TLN2: variants seen among roughly 807,000 people sequenced by gnomAD.
TLN2 encodes the protein talin-2.
TLN2 carries 118 observed loss-of-function variants against 294.7 expected under a neutral mutation model. The observed-to-expected ratio is 0.40, with a 90% confidence interval of 0.34 to 0.47. The LOEUF (loss-of-function observed/expected upper bound fraction) is 0.47, where lower values mean the gene tolerates loss of function less well. Ranked by LOEUF, TLN2 falls within the 20% of genes least tolerant of loss-of-function variation. TLN2 has a pLI of 0.84. For synonymous variants in TLN2, 1,431 were observed against 1,304.5 expected, an observed-to-expected ratio of 1.10 and a Z score of -2.09; for missense variants, 3,083 against 3,282.2, an observed-to-expected ratio of 0.94 and a Z score of 1.48.
At chr15:62,395,024 G>A (rs1375154683) in intron 1 of TLN2, among the ~76,000 whole-genome samples, 1 of 152,052 alleles carries the variant, frequency 6.6e-6, no homozygotes, top group African/African-American at 2.4e-5. Context: ...ATGAACATTT[G>A]TATTTTCTTT....
At chr15:62,485,173 G>T (rs2038322103) in intron 1 of TLN2, among the ~76,000 whole-genome samples, 1 of 152,094 alleles carries the variant, frequency 6.6e-6, no homozygotes, top group African/African-American at 2.4e-5. Context: ...GCCTACCTTG[G>T]GCACCTAGAT....
intron 12 of TLN2, among the ~76,000 whole-genome samples, 184 bp downstream of exon 12, chr15:62,686,980 A>G (rs1204964174): frequency 1.3e-5 from 2 of 152,228 alleles, no homozygotes; most frequent in Admixed American, 1.3e-4. Context: ...AAGAGAGGTC[A>G]GCAAGCCTGG....
chr15:62,618,322 T>G (rs1596357867), intron 2 of TLN2, 29 bp from the exon 3 acceptor site: 1 of 152,320 alleles, frequency 6.6e-6, no homozygotes, highest in East Asian at 1.9e-4. Flanking sequence ...CTAATTCTTC[T>G]TTTCCCACTC....
At chr15:62,445,941 G>A (rs138799998) in intron 1 of TLN2, among the ~76,000 whole-genome samples, 501 of 152,092 alleles carry the variant, frequency 3.3e-3, no homozygotes, top group African/African-American at 0.011. Context: ...ATGAGCCATC[G>A]CCTACTGGCC....
chr15:62,436,485 A>G (rs1012213487), intron 1 of TLN2, among the ~76,000 whole-genome samples: 24 of 152,222 alleles, frequency 1.6e-4, no homozygotes, highest in Admixed American at 5.2e-4. Context: ...TTTCGTGAGC[A>G]GGTGGCAGGA....
intron 11 of TLN2, among the ~76,000 whole-genome samples, chr15:62,684,741 C>G (rs1283758649): frequency 6.6e-6 from 1 of 151,914 alleles, no homozygotes; most frequent in Non-Finnish European, 1.5e-5. Context: ...TTGAGCTACT[C>G]AAATCTATGT....
At chr15:62,412,996 G>A (rs2033860339) in intron 1 of TLN2, among the ~76,000 whole-genome samples, 1 of 152,208 alleles carries the variant, frequency 6.6e-6, no homozygotes, top group Non-Finnish European at 1.5e-5. Flanking sequence ...TGGAGAGACT[G>A]CAAGGCTTGG....
chr15:62,556,858 C>T (rs1480361174), intron 1 of TLN2, among the ~76,000 whole-genome samples: 1 of 152,162 alleles, frequency 6.6e-6, no homozygotes, highest in African/African-American at 2.4e-5. Flanking sequence ...CATTTCCATA[C>T]ATTTCTGAAC....
At chr15:62,604,476 G>C (rs2047251339) in intron 2 of TLN2, among the ~76,000 whole-genome samples, 1 of 142,900 alleles carries the variant, frequency 7.0e-6, no homozygotes, top group Non-Finnish European at 1.5e-5. Context: ...AGTGAGCCAT[G>C]ATTGAGTCAC....
At chr15:62,392,289 CAGA>C (rs1439161905) in intron 1 of TLN2, among the ~76,000 whole-genome samples, 1 of 152,174 alleles carries the variant, frequency 6.6e-6, no homozygotes, top group African/African-American at 2.4e-5. Context: ...TGGTTCTTTC[CAGA>C]AGATGAGAGA....
intron 2 of TLN2, among the ~76,000 whole-genome samples, chr15:62,601,562 G>A (rs2047009906): frequency 6.6e-6 from 1 of 152,210 alleles, no homozygotes; most frequent in African/African-American, 2.4e-5. Flanking sequence ...CATAGTAACT[G>A]TAGACTCTTT....
rs752555481 is a variant in TLN2 at position 62,694,326 on chromosome 15, A to T, written c.1226A>T (p.Lys409Ile). The T allele has an allele frequency of 2.5e-6, 4 of 1,614,108 alleles. No homozygotes were observed. The highest frequency in any genetic ancestry group is 3.4e-6 in the Non-Finnish European group (4 of 1,179,990). ...TTATTGCATTTCCAGAAACAAAGTAAAGATCGATTTGGACTAGAAGGTGAT... is the reference window on the plus strand; with the variant it reads ...TTATTGCATTTCCAGAAACAAAGTATAGATCGATTTGGACTAGAAGGTGAT... ...IDIILKKKQS[K>I]DRFGLEGDEE... The change falls in exon 14 of 59, where the codon AAA (lysine) becomes ATA (isoleucine). Residue 409 changes from lysine (K) to isoleucine (I), a missense_variant. Transcript: ENST00000636159.
chr15:62,495,688 A>G lies in TLN2; in HGVS notation c.-237-93999A>G, dbSNP rs369532494. Reference sequence around the variant, plus strand: ...TCAGATGGGCCCAGGCCTATCACCTATTATTCCACCTGGAGAGGGTAGACT... The same window carrying G: ...TCAGATGGGCCCAGGCCTATCACCTGTTATTCCACCTGGAGAGGGTAGACT... On this transcript the variant is annotated intron_variant, in intron 1 of 58. Coordinates refer to ENST00000636159, the MANE Select transcript of TLN2 (RefSeq NM_015059.3). 6.9e-4 allele frequency among the ~76,000 whole-genome samples: 105 copies of G among 152,350 alleles called. 1 individual carries two copies. In the South Asian group the frequency reaches 8.1e-3, roughly 12 times the overall value.
In TLN2 at chr15:62,838,710, A is replaced by T. The variant is rs575263676; in HGVS notation, c.7375-146A>T. ...AATCCACGGATGGATGGACAGACAG[A>T]TGGGTACTCTCTGGCTACAGAACTT... On this transcript the variant is annotated intron_variant, in intron 57 of 58. Transcript: ENST00000636159. 1.8e-4 allele frequency: 186 copies of T among 1,047,312 alleles called. 2 individuals are homozygous for T. In the African/African-American group the frequency reaches 2.7e-3, roughly 15 times the overall value. 64.9% of individuals were successfully genotyped at this position (1,047,312 alleles called of 1,614,324 possible). A position where few individuals can be genotyped will look rare whatever the true frequency, so the allele number is the denominator to read the frequency against.
In TLN2 at chr15:62,813,391, G is replaced by A. The variant is rs1046317071; in HGVS notation, c.6771+3359G>A. 3.3e-5 allele frequency among the ~76,000 whole-genome samples: 5 copies of A among 152,064 alleles called. No individual in the cohort carries two copies. In the South Asian group the frequency reaches 6.2e-4, roughly 19 times the overall value. ...TCTCTAAGGCCATTCAGAGGTTTAG[G>A]GTAGTTGGTACTAAAATGAAATCAC... On this transcript the variant is annotated intron_variant, in intron 52 of 58. Transcript: ENST00000636159.
intron 48 of TLN2, among the ~76,000 whole-genome samples, chr15:62,800,085 A>T (rs1245513168): frequency 6.6e-6 from 1 of 152,240 alleles, no homozygotes; most frequent in East Asian, 1.9e-4. Flanking sequence ...GAGGCAGCTC[A>T]TCGGCCAAGT....
At chr15:62,837,432 G>A (rs547427743) in intron 57 of TLN2, among the ~76,000 whole-genome samples, 7 of 152,304 alleles carry the variant, frequency 4.6e-5, no homozygotes, top group African/African-American at 1.7e-4. Context: ...GGTTTCATCT[G>A]TAAAATGGGG....
At chr15:62,426,429 T>C (rs984668587) in intron 1 of TLN2, among the ~76,000 whole-genome samples, 1 of 152,184 alleles carries the variant, frequency 6.6e-6, no homozygotes, top group Admixed American at 6.5e-5. Context: ...CTCAGTGCCT[T>C]GGTTCTGACT....
chr15:62,552,243 T>A (rs192241992), intron 1 of TLN2, among the ~76,000 whole-genome samples: 4 of 152,348 alleles, frequency 2.6e-5, no homozygotes, highest in African/African-American at 9.6e-5. Context: ...ATGGGCTATA[T>A]TTTTATTCTA....
Sources: allele counts gnomAD v4.1 joint callset (sites outside exome capture counted in the v4.1 genomes callset), GRCh38; gene constraint gnomAD v4.1.1; transcripts MANE v1.5; gene names NCBI Gene and HGNC (gene_info 2026-07-23, HGNC 2026-07-21).